Variants in H2BC10 observed in about 807,000 individuals in gnomAD.
The protein encoded by H2BC10 is H2B clustered histone 10, also known as histone H2B type 1-C/E/F/G/I.
A neutral mutation model predicts 6.4 loss-of-function variants in H2BC10; 6 were observed. The ratio of observed to expected loss-of-function variants is 0.93; its 90% CI spans 0.51 to 1.84. H2BC10 has a LOEUF of 1.84. H2BC10 is among the 40% of genes most tolerant of loss of function. The probability of loss-of-function intolerance (pLI) is 0.01; values close to 1 mark genes in which losing one functional copy is unlikely to be tolerated. For synonymous variants in H2BC10, 120 were observed against 72.8 expected, an observed-to-expected ratio of 1.65 and a Z score of -3.30; for missense variants, 191 against 168.7, an observed-to-expected ratio of 1.13 and a Z score of -0.73.
chr6:26,273,014 G>T lies in H2BC10; in HGVS notation c.39G>T (p.Lys13Asn). 1 of 1,614,186 alleles carries T rather than the reference G, an allele frequency of 6.2e-7. No homozygotes were observed. The highest frequency in any genetic ancestry group is 8.5e-7 in the Non-Finnish European group (1 of 1,180,016). Residue 13 changes from lysine (K) to asparagine (N), a missense_variant, in exon 1 of 1, where the codon AAG (lysine) becomes AAT (asparagine). Lys to Asn is a moderately conservative substitution (Grantham distance 94). Coordinates refer to ENST00000377733, the MANE Select transcript of H2BC10 (RefSeq NM_003525.3). ...CTAAGTCAGCTCCCGCCCCGAAGAA[G>T]GGCTCCAAGAAGGCGGTGACCAAGG... ...EPAKSAPAPK[K>N]GSKKAVTKAQ...
chr6:26,273,130 A>C lies in H2BC10; in HGVS notation c.155A>C (p.Asp52Ala). 1 of 1,614,268 alleles carries C rather than the reference A, an allele frequency of 6.2e-7. No individual in the cohort carries two copies. Among genetic ancestry groups the C allele is most frequent in the Non-Finnish European group, 8.5e-7 (1 of 1,180,046 alleles). ...VYKVLKQVHP[D>A]TGISSKAMGI... ...AAGGTGCTGAAGCAGGTCCACCCCGACACCGGCATCTCGTCCAAGGCTATG... is the reference window on the plus strand; with the variant it reads ...AAGGTGCTGAAGCAGGTCCACCCCGCCACCGGCATCTCGTCCAAGGCTATG... The change falls in exon 1 of 1, where the codon GAC becomes GCC. Residue 52 changes from aspartate to alanine, a missense_variant. By Grantham distance (126) the Asp-to-Ala change is moderately radical. Coordinates refer to ENST00000377733, the MANE Select transcript of H2BC10 (RefSeq NM_003525.3).
Position 26,272,934 on chromosome 6 carries a change from A to G in H2BC10, c.-42A>G, listed in dbSNP as rs1425899150. ...AATGAGGGCGTTTGGGCTCACCAGC[A>G]TTTTCCTGTGGTCATTTGACGGTAT... On this transcript the variant is annotated 5_prime_UTR_variant, in exon 1 of 1. Transcript: ENST00000377733. The G allele has an allele frequency of 6.2e-7, 1 of 1,612,702 alleles. No homozygotes were observed.
In H2BC10 at chr6:26,273,156, G is replaced by A. The variant is rs772818606; in HGVS notation, c.181G>A (p.Gly61Arg). Reference protein sequence around the residue: ...PDTGISSKAMGIMNSFVNDIF... With the variant: ...PDTGISSKAMRIMNSFVNDIF... ...CACCGGCATCTCGTCCAAGGCTATGGGGATTATGAACTCCTTCGTCAACGA... is the reference window on the plus strand; with the variant it reads ...CACCGGCATCTCGTCCAAGGCTATGAGGATTATGAACTCCTTCGTCAACGA... Residue 61 changes from glycine to arginine, a missense_variant, in exon 1 of 1, where the codon GGG (glycine) becomes AGG (arginine). Coordinates refer to ENST00000377733, the MANE Select transcript of H2BC10 (RefSeq NM_003525.3). 2.5e-6 allele frequency: 4 copies of A among 1,614,248 alleles called. No individual in the cohort carries two copies. The South Asian group carries it at 3.3e-5, about 13-fold the overall frequency.
At position 26,273,105 on chromosome 6, in the gene H2BC10, A is replaced by T. The variant is rs1330244836; in HGVS notation, c.130A>T (p.Lys44Ter). The change falls in exon 1 of 1, where the codon AAG becomes TAG. Residue 44 changes from lysine to a stop codon, truncating the protein, a stop_gained. Coordinates refer to ENST00000377733, the MANE Select transcript of H2BC10 (RefSeq NM_003525.3). LOFTEE classifies it high-confidence loss of function. ...GGAGAGCTATTCCGTGTACGTGTACAAGGTGCTGAAGCAGGTCCACCCCGA... is the reference window on the plus strand; with the variant it reads ...GGAGAGCTATTCCGTGTACGTGTACTAGGTGCTGAAGCAGGTCCACCCCGA... ...RKESYSVYVYKVLKQVHPDTG... is the reference protein window; with the variant it reads ...RKESYSVYVY 1 of 1,614,138 alleles carries T rather than the reference A, an allele frequency of 6.2e-7. No homozygotes were observed. Among genetic ancestry groups the T allele is most frequent in the African/African-American group, 1.3e-5 (1 of 74,940 alleles).
At position 26,273,059 on chromosome 6, in the gene H2BC10, G is replaced by A. The variant is rs755126201; in HGVS notation, c.84G>A (p.Lys28=). 2.4e-5 allele frequency: 38 copies of A among 1,614,134 alleles called. No homozygotes were observed. Among genetic ancestry groups the A allele is most frequent in the Non-Finnish European group, 2.9e-5 (34 of 1,180,050 alleles). Residue 28 remains lysine, a synonymous_variant, in exon 1 of 1, where the codon AAG becomes AAA. Transcript: ENST00000377733. ...CCAAGGCACAGAAGAAGGATGGCAA[G>A]AAGCGCAAGCGCAGCCGCAAGGAGA... ...AVTKAQKKDG[K]KRKRSRKESY...
At position 26,273,197 on chromosome 6, in the gene H2BC10, T is replaced by G. The variant is rs750935601; in HGVS notation, c.222T>G (p.Ile74Met). The part of the protein sequence containing the change: ...NSFVNDIFER[I>M]AGEASRLAHY... ...TCGTCAACGACATTTTCGAGCGCAT[T>G]GCAGGCGAGGCTTCCCGCCTGGCGC... is the stretch of plus-strand genomic sequence containing the variant. The change falls in exon 1 of 1, where the codon ATT becomes ATG. Residue 74 changes from isoleucine to methionine, a missense_variant. Coordinates refer to ENST00000377733, the MANE Select transcript of H2BC10 (RefSeq NM_003525.3). 1.2e-6 allele frequency: 2 copies of G among 1,614,236 alleles called. No individual in the cohort carries two copies. Among genetic ancestry groups the G allele is most frequent in the Non-Finnish European group, 1.7e-6 (2 of 1,180,048 alleles).
Position 26,273,077 on chromosome 6 carries a change from C to T in H2BC10, c.102C>T (p.Arg34=), listed in dbSNP as rs772925381. The change falls in exon 1 of 1, where the codon CGC becomes CGT. Residue 34 remains arginine, a synonymous_variant. Transcript: ENST00000377733. ...ATGGCAAGAAGCGCAAGCGCAGCCG[C>T]AAGGAGAGCTATTCCGTGTACGTGT... is the stretch of plus-strand genomic sequence containing the variant. ...KKDGKKRKRS[R]KESYSVYVYK... is the part of the protein sequence containing the mutation. 1 of 1,614,234 alleles carries T rather than the reference C, an allele frequency of 6.2e-7. No homozygotes were observed. Among genetic ancestry groups the T allele is most frequent in the Non-Finnish European group, 8.5e-7 (1 of 1,180,048 alleles).
rs761159603 is a variant in H2BC10 at position 26,273,096 on chromosome 6, T to A, written c.121T>A (p.Tyr41Asn). The A allele has an allele frequency of 1.2e-6, 2 of 1,614,250 alleles. No homozygotes were observed. Among genetic ancestry groups the A allele is most frequent in the Admixed American group, 3.3e-5 (2 of 60,032 alleles). The change falls in exon 1 of 1, where the codon TAC becomes AAC. Residue 41 changes from tyrosine to asparagine, a missense_variant. Transcript: ENST00000377733. The part of the protein sequence containing the change: ...KRSRKESYSV[Y>N]VYKVLKQVHP... ...CAGCCGCAAGGAGAGCTATTCCGTG[T>A]ACGTGTACAAGGTGCTGAAGCAGGT...
chr6:26,273,076 G>C lies in H2BC10; in HGVS notation c.101G>C (p.Arg34Pro). The change falls in exon 1 of 1, where the codon CGC (arginine) becomes CCC (proline). Residue 34 changes from arginine (R) to proline (P), a missense_variant. Transcript: ENST00000377733. ...KKDGKKRKRS[R>P]KESYSVYVYK... Reference sequence around the variant, plus strand: ...GATGGCAAGAAGCGCAAGCGCAGCCGCAAGGAGAGCTATTCCGTGTACGTG... The same window carrying C: ...GATGGCAAGAAGCGCAAGCGCAGCCCCAAGGAGAGCTATTCCGTGTACGTG... 6.2e-7 allele frequency: 1 copy of C among 1,614,254 alleles called. No individual in the cohort carries two copies. The highest frequency in any genetic ancestry group is 8.5e-7 in the Non-Finnish European group (1 of 1,180,050).
rs781109235 is a variant in H2BC10, at chr6:26,272,958, A to G, written c.-18A>G. 3 of 1,614,114 alleles carry G rather than the reference A, an allele frequency of 1.9e-6. No homozygotes were observed. Among genetic ancestry groups the G allele is most frequent in the Non-Finnish European group, 2.5e-6 (3 of 1,180,008 alleles). On this transcript the variant is annotated 5_prime_UTR_variant, in exon 1 of 1. Transcript: ENST00000377733. ...CATTTTCCTGTGGTCATTTGACGGT[A>G]TCACTTCGGCTGCGAACATGCCTGA... is the stretch of plus-strand genomic sequence containing the variant.
At position 26,273,080 on chromosome 6, in the gene H2BC10, G is replaced by A. The variant is rs748999592; in HGVS notation, c.105G>A (p.Lys35=). Residue 35 remains lysine (K), a synonymous_variant, in exon 1 of 1, where the codon AAG becomes AAA. Transcript: ENST00000377733. ...KDGKKRKRSR[K]ESYSVYVYKV... ...GCAAGAAGCGCAAGCGCAGCCGCAA[G>A]GAGAGCTATTCCGTGTACGTGTACA... 3.1e-6 allele frequency: 5 copies of A among 1,614,258 alleles called. No individual in the cohort carries two copies. In the South Asian group the frequency reaches 4.4e-5, roughly 14 times the overall value.
In H2BC10 at chr6:26,272,975, C is replaced by T. The variant is rs951225240; in HGVS notation, c.-1C>T. ...TTGACGGTATCACTTCGGCTGCGAA[C>T]ATGCCTGAACCAGCTAAGTCAGCTC... is the stretch of plus-strand genomic sequence containing the variant. On this transcript the variant is annotated 5_prime_UTR_variant, in exon 1 of 1. Coordinates refer to ENST00000377733, the MANE Select transcript of H2BC10 (RefSeq NM_003525.3). The T allele has an allele frequency of 1.2e-6, 2 of 1,614,198 alleles. No homozygotes were observed. Among genetic ancestry groups the T allele is most frequent in the Non-Finnish European group, 1.7e-6 (2 of 1,180,042 alleles).
chr6:26,273,387 C>G lies in H2BC10; in HGVS notation c.*31C>G. 1.2e-6 allele frequency: 2 copies of G among 1,601,378 alleles called. No homozygotes were observed. Among genetic ancestry groups the G allele is most frequent in the Non-Finnish European group, 1.7e-6 (2 of 1,175,488 alleles). ...TTACCTGGGTAAAAGCGCTAACGAC[C>G]CAAAGGCTCTTCTAAGAGCCACCCA... On this transcript the variant is annotated 3_prime_UTR_variant, in exon 1 of 1. Coordinates refer to ENST00000377733, the MANE Select transcript of H2BC10 (RefSeq NM_003525.3).
At position 26,273,255 on chromosome 6, in the gene H2BC10, G is replaced by A; in HGVS notation, c.280G>A (p.Glu94Lys). The part of the protein sequence containing the change: ...YNKRSTITSR[E>K]IQTAVRLLLP... Reference sequence around the variant, plus strand: ...CAAGCGCTCGACCATCACTTCCAGGGAGATCCAAACGGCTGTGCGCCTGCT... The same window carrying A: ...CAAGCGCTCGACCATCACTTCCAGGAAGATCCAAACGGCTGTGCGCCTGCT... Residue 94 changes from glutamate (E) to lysine (K), a missense_variant, in exon 1 of 1, where the codon GAG (glutamate) becomes AAG (lysine). By Grantham distance (56) the Glu-to-Lys change is moderately conservative. Coordinates refer to ENST00000377733, the MANE Select transcript of H2BC10 (RefSeq NM_003525.3). 6.2e-7 allele frequency: 1 copy of A among 1,614,204 alleles called. No individual in the cohort carries two copies. The highest frequency in any genetic ancestry group is 8.5e-7 in the Non-Finnish European group (1 of 1,180,036).
rs764038918 is a variant in H2BC10, at chr6:26,272,954, C to T, written c.-22C>T. ...CCAGCATTTTCCTGTGGTCATTTGA[C>T]GGTATCACTTCGGCTGCGAACATGC... On this transcript the variant is annotated 5_prime_UTR_variant, in exon 1 of 1. It adds an upstream start codon to the 5' untranslated region. Coordinates refer to ENST00000377733, the MANE Select transcript of H2BC10 (RefSeq NM_003525.3). 3 of 1,613,960 alleles carry T rather than the reference C, an allele frequency of 1.9e-6. No individual in the cohort carries two copies. The South Asian group carries it at 3.3e-5, about 18-fold the overall frequency.
chr6:26,273,277 T>G lies in H2BC10; in HGVS notation c.302T>G (p.Leu101Arg). ...AGGGAGATCCAAACGGCTGTGCGCC[T>G]GCTGCTACCCGGGGAGCTGGCCAAA... ...TSREIQTAVR[L>R]LLPGELAKHA... The change falls in exon 1 of 1, where the codon CTG becomes CGG. Residue 101 changes from leucine to arginine, a missense_variant. Coordinates refer to ENST00000377733, the MANE Select transcript of H2BC10 (RefSeq NM_003525.3). 6.2e-7 allele frequency: 1 copy of G among 1,614,212 alleles called. No individual in the cohort carries two copies. The highest frequency in any genetic ancestry group is 2.2e-5 in the East Asian group (1 of 44,882).
rs909405506 is a variant in H2BC10, at chr6:26,273,252, A to G, written c.277A>G (p.Arg93Gly). 1.9e-6 allele frequency: 3 copies of G among 1,614,014 alleles called. No individual in the cohort carries two copies. Among genetic ancestry groups the G allele is most frequent in the African/African-American group, 1.3e-5 (1 of 74,934 alleles). Residue 93 changes from arginine (R) to glycine (G), a missense_variant, in exon 1 of 1, where the codon AGG becomes GGG. Arg to Gly is a moderately radical substitution (Grantham distance 125). Transcript: ENST00000377733. ...TAACAAGCGCTCGACCATCACTTCCAGGGAGATCCAAACGGCTGTGCGCCT... is the reference window on the plus strand; with the variant it reads ...TAACAAGCGCTCGACCATCACTTCCGGGGAGATCCAAACGGCTGTGCGCCT... Reference protein sequence around the residue: ...HYNKRSTITSREIQTAVRLLL... With the variant: ...HYNKRSTITSGEIQTAVRLLL...
In H2BC10 at chr6:26,273,035, C is replaced by T. The variant is rs1561767881; in HGVS notation, c.60C>T (p.Thr20=). Residue 20 remains threonine, a synonymous_variant, in exon 1 of 1, where the codon ACC becomes ACT. Coordinates refer to ENST00000377733, the MANE Select transcript of H2BC10 (RefSeq NM_003525.3). ...AGAAGGGCTCCAAGAAGGCGGTGAC[C>T]AAGGCACAGAAGAAGGATGGCAAGA... The part of the protein sequence containing the change: ...APKKGSKKAV[T]KAQKKDGKKR... 4 of 1,614,202 alleles carry T rather than the reference C, an allele frequency of 2.5e-6. No homozygotes were observed. Among genetic ancestry groups the T allele is most frequent in the Non-Finnish European group, 3.4e-6 (4 of 1,180,046 alleles).
rs1318867842 is a variant in H2BC10 at position 26,273,087 on chromosome 6, T to C, written c.112T>C (p.Tyr38His). ...KKRKRSRKES[Y>H]SVYVYKVLKQ... ...GCGCAAGCGCAGCCGCAAGGAGAGCTATTCCGTGTACGTGTACAAGGTGCT... is the reference window on the plus strand; with the variant it reads ...GCGCAAGCGCAGCCGCAAGGAGAGCCATTCCGTGTACGTGTACAAGGTGCT... Residue 38 changes from tyrosine to histidine, a missense_variant, in exon 1 of 1, where the codon TAT becomes CAT. Coordinates refer to ENST00000377733, the MANE Select transcript of H2BC10 (RefSeq NM_003525.3). 3 of 1,614,246 alleles carry C rather than the reference T, an allele frequency of 1.9e-6. No individual in the cohort carries two copies. The highest frequency in any genetic ancestry group is 1.7e-5 in the Admixed American group (1 of 60,032).
Sources: gnomAD v4.1 joint callset for allele counts on GRCh38, gnomAD v4.1.1 for gene constraint, MANE v1.5 for transcripts, NCBI Gene and HGNC (gene_info 2026-07-23, HGNC 2026-07-21) for gene names.